The following PAFAH1B1 variants were observed in gnomAD, a reference collection of about 807,000 sequenced individuals.
The protein encoded by PAFAH1B1 is platelet activating factor acetylhydrolase 1b regulatory subunit 1, also known as platelet-activating factor acetylhydrolase IB subunit beta.
A neutral mutation model predicts 57.5 loss-of-function variants in PAFAH1B1; 2 were observed. The observed-to-expected ratio is 0.03, with a 90% CI of 0.01 to 0.11. The LOEUF (loss-of-function observed/expected upper bound fraction) is 0.11. Among genes scored for constraint, PAFAH1B1 ranks in the 10% least tolerant of loss-of-function variants. The pLI is 1.00. For synonymous variants in PAFAH1B1, 152 were observed against 169.6 expected, an observed-to-expected ratio of 0.90 and a Z score of 0.81; for missense variants, 257 against 512.0, an observed-to-expected ratio of 0.50 and a Z score of 4.81.
intron 2 of PAFAH1B1, among the ~76,000 whole-genome samples, chr17:2,652,354 G>A (rs1051738195): frequency 1.3e-5 from 2 of 152,226 alleles, no homozygotes; most frequent in African/African-American, 4.8e-5. Context: ...GGCGGAGCTT[G>A]CAGTGAGCCA....
At chr17:2,615,402 T>C (rs1021128075) in intron 1 of PAFAH1B1, among the ~76,000 whole-genome samples, 1 of 152,204 alleles carries the variant, frequency 6.6e-6, no homozygotes, top group African/African-American at 2.4e-5. Context: ...CTTTAGGTGT[T>C]CAAAATGGCT....
At chr17:2,614,383 T>C (rs1004642966) in intron 1 of PAFAH1B1, among the ~76,000 whole-genome samples, 5 of 152,168 alleles carry the variant, frequency 3.3e-5, no homozygotes, top group African/African-American at 1.2e-4. Flanking sequence ...CTACAGAATC[T>C]GAATGGCCCA....
chr17:2,649,036 A>G (rs1253892550), intron 2 of PAFAH1B1, among the ~76,000 whole-genome samples: 1 of 151,900 alleles, frequency 6.6e-6, no homozygotes, highest in East Asian at 1.9e-4. Flanking sequence ...ACCTAAGGGA[A>G]TCAACAATTA....
chr17:2,604,172 G>C (rs2068178154), intron 1 of PAFAH1B1, among the ~76,000 whole-genome samples: 1 of 151,908 alleles, frequency 6.6e-6, no homozygotes, highest in Admixed American at 6.6e-5. Flanking sequence ...CGAGTAGCTG[G>C]GATTACAAGT....
At chr17:2,680,500 C>T (rs919485450) in intron 10 of PAFAH1B1, among the ~76,000 whole-genome samples, 180 bp downstream of exon 10, 3 of 152,196 alleles carry the variant, frequency 2.0e-5, no homozygotes, top group African/African-American at 7.2e-5. Flanking sequence ...TTCCCGTTAA[C>T]TCTTTCCATC....
intron 1 of PAFAH1B1, among the ~76,000 whole-genome samples, chr17:2,615,070 G>A (rs925189947): frequency 1.3e-5 from 2 of 152,192 alleles, no homozygotes; most frequent in Non-Finnish European, 2.9e-5. Flanking sequence ...CAAAATGATA[G>A]TTGTGTCAGT....
chr17:2,612,040 A>T (rs944492150), intron 1 of PAFAH1B1, among the ~76,000 whole-genome samples: 2 of 152,148 alleles, frequency 1.3e-5, no homozygotes, highest in African/African-American at 4.8e-5. Flanking sequence ...GATAGCTATT[A>T]GGTTGAACCA....
intron 9 of PAFAH1B1, among the ~76,000 whole-genome samples, chr17:2,679,397 G>A (rs775581126): frequency 1.3e-5 from 2 of 150,520 alleles, no homozygotes; most frequent in African/African-American, 4.9e-5. Flanking sequence ...TGGATGGATG[G>A]ATGGATGATT....
intron 1 of PAFAH1B1, among the ~76,000 whole-genome samples, chr17:2,621,068 T>C (rs2068415323): frequency 6.6e-6 from 1 of 152,172 alleles, no homozygotes; most frequent in African/African-American, 2.4e-5. Flanking sequence ...TAGTCATACA[T>C]ATTAATAAAA....
intron 1 of PAFAH1B1, among the ~76,000 whole-genome samples, chr17:2,603,166 AT>A (rs573145481): frequency 2.3e-4 from 34 of 149,078 alleles, no homozygotes; most frequent in South Asian, 8.4e-4. Context: ...CAAAAGAATG[AT>A]TTTTTTTTTT....
chr17:2,634,429 G>T (rs575518578), intron 1 of PAFAH1B1, among the ~76,000 whole-genome samples: 1 of 152,096 alleles, frequency 6.6e-6, no homozygotes, highest in East Asian at 1.9e-4. Context: ...GAGCCACCGC[G>T]CCCAGTCTCA....
intron 4 of PAFAH1B1, 67 bp from the exon 5 acceptor site, chr17:2,666,925 T>G: frequency 1.5e-6 from 2 of 1,292,508 alleles, no homozygotes; most frequent in Non-Finnish European, 2.2e-6. Context: ...TAAAGGCAGT[T>G]TTTTAAAATG....
chr17:2,598,594 ATTAC>A (rs2068108994), intron 1 of PAFAH1B1, among the ~76,000 whole-genome samples: 1 of 150,558 alleles, frequency 6.6e-6, no homozygotes, highest in Admixed American at 6.6e-5. Flanking sequence ...CAGTACAACT[ATTAC>A]TTTTTTTTTT....
At chr17:2,675,487 G>T (rs934839389) in intron 8 of PAFAH1B1, among the ~76,000 whole-genome samples, 3 of 152,092 alleles carry the variant, frequency 2.0e-5, no homozygotes, top group African/African-American at 7.2e-5. Context: ...ACTGCCCTCT[G>T]GTGGTGGTTA....
At chr17:2,672,802 G>A (rs762595774) in intron 7 of PAFAH1B1, 45 bp downstream of exon 7, 2 of 1,198,746 alleles carry the variant, frequency 1.7e-6, no homozygotes, top group East Asian at 2.4e-5. Flanking sequence ...AGGTGCAGTG[G>A]CTCACACCTG....
rs527387216 is a variant in PAFAH1B1, at chr17:2,660,453, T to G, written c.33-4919T>G. Among the ~76,000 whole-genome samples, 187 of 152,210 alleles carry G rather than the reference T, an allele frequency of 1.2e-3. 1 individual carries two copies. The highest frequency in any genetic ancestry group is 4.2e-3 in the African/African-American group (176 of 41,534). ...GTGTGTGTTGTTCCCCTCCCTGTGGTCCATGTGTTCTCATTGTTCAACTCC... is the reference window on the plus strand; with the variant it reads ...GTGTGTGTTGTTCCCCTCCCTGTGGGCCATGTGTTCTCATTGTTCAACTCC... On this transcript the variant is annotated intron_variant, in intron 2 of 10. Coordinates refer to ENST00000397195, the MANE Select transcript of PAFAH1B1 (RefSeq NM_000430.4).
chr17:2,664,665 G>GCGCTCTCTCTCTCTCTCTCT, intron 2 of PAFAH1B1, among the ~76,000 whole-genome samples: 35 of 86,084 alleles, frequency 4.1e-4, no homozygotes, highest in Middle Eastern at 0.014. Flanking sequence ...TCTATCTATC[G>GCGCTCTCTCTCTCTCTCTCT]CTCTCTCTCT....
chr17:2,651,036 A>G (rs7213741), intron 2 of PAFAH1B1, among the ~76,000 whole-genome samples: 43,628 of 151,898 alleles, frequency 0.29, 6,450 homozygotes, highest in Middle Eastern at 0.36. Context: ...CTTTCTTAAG[A>G]CCTTTTTGTT....
chr17:2,593,590 G>GGGCGGCGGGGGC (rs1555520025), upstream of PAFAH1B1, among the ~76,000 whole-genome samples: 1 of 148,666 alleles, frequency 6.7e-6, no homozygotes, highest in African/African-American at 2.4e-5. Flanking sequence ...GGCGGGTCTG[G>GGGCGGCGGGGGC]GGCGGCGGCG....
Sources: allele counts gnomAD v4.1 joint callset (sites outside exome capture counted in the v4.1 genomes callset), GRCh38; gene constraint gnomAD v4.1.1; transcripts MANE v1.5; gene names NCBI Gene and HGNC (gene_info 2026-07-23, HGNC 2026-07-21).